Variants in INPP4B observed in about 807,000 individuals in gnomAD.
The protein encoded by INPP4B is inositol polyphosphate 4-phosphatase type II.
Under a neutral mutation model 122.5 loss-of-function variants are expected in INPP4B, and 55 were observed. That is an observed-to-expected ratio of 0.45 (90% confidence interval 0.36 to 0.56). The LOEUF (loss-of-function observed/expected upper bound fraction) is 0.56. INPP4B is among the 20% of genes least tolerant of loss of function. The pLI is 0.00. For missense variants in INPP4B, 1,000 were observed against 1,097.7 expected, an observed-to-expected ratio of 0.91 and a Z score of 1.26; for synonymous variants, 403 against 388.7, an observed-to-expected ratio of 1.04 and a Z score of -0.43.
intron 16 of INPP4B, among the ~76,000 whole-genome samples, chr4:142,167,965 C>A (rs1196315248): frequency 6.7e-6 from 1 of 148,688 alleles, no homozygotes; most frequent in East Asian, 2.0e-4. Flanking sequence ...TGAGAGTTAG[C>A]AGGATTTTTT....
chr4:142,731,357 C>G (rs186853699), intron 1 of INPP4B, among the ~76,000 whole-genome samples: 2 of 152,270 alleles, frequency 1.3e-5, no homozygotes, highest in African/African-American at 4.8e-5. Context: ...CCTCACCTTT[C>G]TGCCAGGCAT....
intron 25 of INPP4B, among the ~76,000 whole-genome samples, chr4:142,047,120 T>C (rs1373232143): frequency 6.6e-6 from 1 of 152,126 alleles, no homozygotes; most frequent in Non-Finnish European, 1.5e-5. Context: ...ATGCTTGAAA[T>C]GGCTGTGTTG....
chr4:142,142,893 G>A (rs926156970), intron 18 of INPP4B, among the ~76,000 whole-genome samples: 2 of 151,988 alleles, frequency 1.3e-5, no homozygotes, highest in African/African-American at 4.8e-5. Flanking sequence ...ATGGCTCCCT[G>A]ATATAATGAA....
intron 2 of INPP4B, among the ~76,000 whole-genome samples, chr4:142,491,619 T>C (rs977716023): frequency 1.3e-5 from 2 of 152,156 alleles, no homozygotes; most frequent in African/African-American, 4.8e-5. Flanking sequence ...ATTGTGCCAT[T>C]GCACTCCAGC....
At chr4:142,437,059 GA>G (rs1157646518) in intron 3 of INPP4B, among the ~76,000 whole-genome samples, 2 of 152,030 alleles carry the variant, frequency 1.3e-5, no homozygotes, top group Non-Finnish European at 2.9e-5. Flanking sequence ...ACAGTTTAAA[GA>G]GGAACATAAA....
intron 1 of INPP4B, among the ~76,000 whole-genome samples, chr4:142,759,419 A>G (rs1344674729): frequency 6.6e-6 from 1 of 152,094 alleles, no homozygotes; most frequent in Non-Finnish European, 1.5e-5. Flanking sequence ...CCTGAACCCA[A>G]ACTCTATTAG....
intron 1 of INPP4B, among the ~76,000 whole-genome samples, chr4:142,761,177 T>C (rs1045884269): frequency 2.6e-5 from 4 of 152,056 alleles, no homozygotes; most frequent in Non-Finnish European, 5.9e-5. Flanking sequence ...GCAATTTTTT[T>C]TTTTTTTGCT....
intron 9 of INPP4B, among the ~76,000 whole-genome samples, chr4:142,291,996 A>G (rs1412802623): frequency 6.6e-6 from 1 of 152,170 alleles, no homozygotes; most frequent in African/African-American, 2.4e-5. Context: ...TTCATATATT[A>G]TATGTATTTT....
chr4:142,305,690 A>G, intron 8 of INPP4B, 153 bp from the exon 9 acceptor site: 1 of 1,457,400 alleles, frequency 6.9e-7, no homozygotes, highest in Non-Finnish European at 9.1e-7. Flanking sequence ...ATTATCAATA[A>G]TATATCTACC....
intron 7 of INPP4B, among the ~76,000 whole-genome samples, chr4:142,320,507 T>A (rs1475479105): frequency 6.6e-6 from 1 of 152,208 alleles, no homozygotes; most frequent in Non-Finnish European, 1.5e-5. Context: ...TCCGTTCTTT[T>A]TAATTTTAAT....
At chr4:142,232,255 C>A (rs1854708337) in intron 12 of INPP4B, among the ~76,000 whole-genome samples, 1 of 152,078 alleles carries the variant, frequency 6.6e-6, no homozygotes, top group African/African-American at 2.4e-5. Flanking sequence ...TTCACAGATA[C>A]TGTGTTTTTT....
intron 25 of INPP4B, among the ~76,000 whole-genome samples, chr4:142,060,191 G>T (rs1438291767): frequency 6.6e-6 from 1 of 152,048 alleles, no homozygotes. Flanking sequence ...GTGTTTGGTT[G>T]CAGAGCCCAA....
intron 11 of INPP4B, among the ~76,000 whole-genome samples, chr4:142,246,027 CACACACGTGTGTGT>C (rs1728363265): frequency 7.6e-6 from 1 of 131,572 alleles, no homozygotes; most frequent in African/African-American, 3.1e-5. Context: ...TGTGTATGTA[CACACACGTGTGTGT>C]ATACACACAT....
At chr4:142,409,960 A>G (rs1329032118) in intron 5 of INPP4B, among the ~76,000 whole-genome samples, 1 of 152,228 alleles carries the variant, frequency 6.6e-6, no homozygotes, top group Non-Finnish European at 1.5e-5. Context: ...TTGTGAAATC[A>G]AAGATACTGT....
rs140942333 is a variant in INPP4B, at chr4:142,580,914, C to A, written c.-190-118188G>T. On this transcript the variant is annotated intron_variant, in intron 2 of 25. Transcript: ENST00000262992. ...TGTTATATGGAACTATATCTTATTACATGAACTCTGGCCCAGGTGCAGGAC... is the reference window on the plus strand; with the variant it reads ...TGTTATATGGAACTATATCTTATTAAATGAACTCTGGCCCAGGTGCAGGAC... Among the ~76,000 whole-genome samples the A allele has an allele frequency of 3.3e-3, 498 of 152,116 alleles. 7 individuals are homozygous for A. Among genetic ancestry groups the A allele is most frequent in the East Asian group, 0.018 (93 of 5,162 alleles).
rs112015313 is a variant in INPP4B at position 142,832,024 on chromosome 4, C to G, written c.-254+14185G>C. Among the ~76,000 whole-genome samples the G allele has an allele frequency of 7.3e-3, 1,114 of 152,312 alleles. 22 individuals carry two copies. The highest frequency in any genetic ancestry group is 0.026 in the African/African-American group (1,072 of 41,570). Reference sequence around the variant, plus strand: ...ATATTTTGTGCTCAAGACATATCTTCTAAGACAGCAGGAGGGAAAAACAAT... The same window carrying G: ...ATATTTTGTGCTCAAGACATATCTTGTAAGACAGCAGGAGGGAAAAACAAT... On this transcript the variant is annotated intron_variant, in intron 1 of 25. Coordinates refer to ENST00000262992, the MANE Select transcript of INPP4B (RefSeq NM_001101669.3).
intron 2 of INPP4B, among the ~76,000 whole-genome samples, chr4:142,724,201 C>T (rs1164187844): frequency 6.6e-6 from 1 of 152,102 alleles, no homozygotes; most frequent in African/African-American, 2.4e-5. Flanking sequence ...ACCTTCACTT[C>T]AAAATAAGCT....
intron 2 of INPP4B, among the ~76,000 whole-genome samples, chr4:142,463,878 A>G (rs753827150): frequency 6.6e-6 from 1 of 152,184 alleles, no homozygotes; most frequent in Non-Finnish European, 1.5e-5. Context: ...AACTGAGTCA[A>G]TTAAACCTCT....
At chr4:142,406,009 A>G (rs1372706045) in intron 5 of INPP4B, among the ~76,000 whole-genome samples, 2 of 152,182 alleles carry the variant, frequency 1.3e-5, no homozygotes, top group African/African-American at 4.8e-5. Context: ...CCTCGCCACC[A>G]TACCATATTT....
Sources: allele counts gnomAD v4.1 joint callset (sites outside exome capture counted in the v4.1 genomes callset), GRCh38; gene constraint gnomAD v4.1.1; transcripts MANE v1.5; gene names NCBI Gene and HGNC (gene_info 2026-07-23, HGNC 2026-07-21).